The following COL19A1 variants were observed in gnomAD, a reference collection of about 807,000 sequenced individuals.
COL19A1 encodes the protein collagen alpha-1(XIX) chain.
COL19A1 carries 159 observed loss-of-function variants against 190.2 expected under a neutral mutation model. That is an observed-to-expected ratio of 0.84 (90% CI 0.73 to 0.95). COL19A1 has a LOEUF of 0.95. Among genes scored for constraint, COL19A1 ranks in the 40% least tolerant of loss-of-function variants. The pLI is 0.00. For synonymous variants in COL19A1, 509 were observed against 458.9 expected, an observed-to-expected ratio of 1.11 and a Z score of -1.39; for missense variants, 1,418 against 1,431.9, an observed-to-expected ratio of 0.99 and a Z score of 0.16.
chr6:70,058,235 C>T (rs3806002), intron 14 of COL19A1, among the ~76,000 whole-genome samples: 89,917 of 151,846 alleles, frequency 0.59, 27,391 homozygotes, highest in African/African-American at 0.69. Flanking sequence ...CCACATGGAA[C>T]GATCATATTT....
intron 4 of COL19A1, among the ~76,000 whole-genome samples, chr6:69,904,546 A>G (rs376000960): frequency 1.3e-5 from 2 of 152,320 alleles, no homozygotes; most frequent in East Asian, 1.9e-4. Context: ...CAGTGGGTGT[A>G]TAAGCACTAT....
At chr6:70,065,937 A>G (rs1197955895) in intron 14 of COL19A1, among the ~76,000 whole-genome samples, 1 of 152,230 alleles carries the variant, frequency 6.6e-6, no homozygotes, top group Non-Finnish European at 1.5e-5. Context: ...TAGAATGGCA[A>G]TCATTAAAAA....
intron 11 of COL19A1, among the ~76,000 whole-genome samples, chr6:69,981,408 G>A (rs902509916): frequency 7.2e-5 from 11 of 152,090 alleles, no homozygotes; most frequent in Admixed American, 2.0e-4. Context: ...GCAGAAAAAT[G>A]TATATAATAT....
At chr6:69,921,095 TATC>T (rs1419691235) in intron 4 of COL19A1, among the ~76,000 whole-genome samples, 35 of 119,140 alleles carry the variant, frequency 2.9e-4, no homozygotes, top group Non-Finnish European at 4.0e-4. Flanking sequence ...TTCATAGACA[TATC>T]ATATATTCAT....
chr6:69,882,302 A>G (rs974000782), intron 2 of COL19A1, among the ~76,000 whole-genome samples: 5 of 152,170 alleles, frequency 3.3e-5, no homozygotes, highest in East Asian at 3.9e-4. Flanking sequence ...TCTTTCGTCA[A>G]TTTGCCTATT....
chr6:69,996,722 A>G (rs1776924562), intron 11 of COL19A1, among the ~76,000 whole-genome samples: 1 of 152,112 alleles, frequency 6.6e-6, no homozygotes, highest in African/African-American at 2.4e-5. Context: ...TACATTACTG[A>G]AAAACTGTAA....
At chr6:69,988,100 T>A (rs1776407188) in intron 11 of COL19A1, among the ~76,000 whole-genome samples, 1 of 152,144 alleles carries the variant, frequency 6.6e-6, no homozygotes, top group South Asian at 2.1e-4. Flanking sequence ...TTTAAAGAAG[T>A]TTTAAACACC....
At chr6:69,907,463 C>A (rs566019967) in intron 4 of COL19A1, among the ~76,000 whole-genome samples, 2 of 152,256 alleles carry the variant, frequency 1.3e-5, no homozygotes, top group South Asian at 4.1e-4. Flanking sequence ...CTACAACATA[C>A]AAGAAAGTTG....
At chr6:70,192,194 G>A (rs1766916078) in intron 48 of COL19A1, among the ~76,000 whole-genome samples, 1 of 152,074 alleles carries the variant, frequency 6.6e-6, no homozygotes, top group Admixed American at 6.5e-5. Flanking sequence ...CAGAGTAGCT[G>A]GGATTACAGG....
intron 6 of COL19A1, among the ~76,000 whole-genome samples, chr6:69,931,049 T>C (rs1772729697): frequency 6.6e-6 from 1 of 152,188 alleles, no homozygotes; most frequent in African/African-American, 2.4e-5. Context: ...AGATTCTTGG[T>C]TCTACTGAAA....
intron 18 of COL19A1, among the ~76,000 whole-genome samples, chr6:70,131,701 TG>T (rs1356091709): frequency 2.0e-5 from 3 of 152,334 alleles, no homozygotes; most frequent in Non-Finnish European, 2.9e-5. Flanking sequence ...CCACAAAGCT[TG>T]TCACATAGGA....
chr6:70,132,390 C>A (rs1054611048), intron 18 of COL19A1, among the ~76,000 whole-genome samples: 2 of 152,306 alleles, frequency 1.3e-5, no homozygotes, highest in South Asian at 4.1e-4. Context: ...CAGAGCAAGA[C>A]CTTGTCTCAA....
At chr6:70,195,076 TTATG>T (rs1337934928) in intron 48 of COL19A1, among the ~76,000 whole-genome samples, 1 of 149,372 alleles carries the variant, frequency 6.7e-6, no homozygotes, top group African/African-American at 2.4e-5. Flanking sequence ...ATATTAATTT[TTATG>T]TATGTATATA....
chr6:69,907,582 T>C (rs1735426579), intron 4 of COL19A1, among the ~76,000 whole-genome samples: 1 of 152,246 alleles, frequency 6.6e-6, no homozygotes, highest in African/African-American at 2.4e-5. Flanking sequence ...TCAATCATTG[T>C]TTTCTCCATG....
intron 4 of COL19A1, among the ~76,000 whole-genome samples, chr6:69,902,696 G>A (rs1037738750): frequency 1.2e-4 from 18 of 152,152 alleles, no homozygotes; most frequent in African/African-American, 2.7e-4. Context: ...GCTTATGAGA[G>A]GCCACACAGA....
At chr6:70,187,995 G>GTATGAATCC (rs1182772334) in intron 46 of COL19A1, 80 bp from the exon 47 acceptor site, 6 of 1,529,854 alleles carry the variant, frequency 3.9e-6, no homozygotes, top group Non-Finnish European at 5.3e-6. Context: ...ATAAGTGCCA[G>GTATGAATCC]TATGAATCCA....
intron 11 of COL19A1, among the ~76,000 whole-genome samples, chr6:70,002,533 G>A: frequency 6.6e-6 from 1 of 151,670 alleles, no homozygotes; most frequent in Non-Finnish European, 1.5e-5. Flanking sequence ...CTCAGTTTCA[G>A]AACTTGTTAT....
At chr6:70,151,516 G>T in intron 31 of COL19A1, 78 bp downstream of exon 31, 1 of 1,393,788 alleles carries the variant, frequency 7.2e-7, no homozygotes, top group South Asian at 1.2e-5. Context: ...CAGAAATTGA[G>T]TCAATTGCTT....
At chr6:69,927,765 A>G (rs538235763) in intron 4 of COL19A1, 144 bp from the exon 5 acceptor site, 13 of 1,072,690 alleles carry the variant, frequency 1.2e-5, no homozygotes, top group Middle Eastern at 4.9e-4. Context: ...AGATTTTTTA[A>G]AAGGAAAGAG....
Sources: gnomAD v4.1 joint callset for allele counts (sites outside exome capture counted in the v4.1 genomes callset) on GRCh38, gnomAD v4.1.1 for gene constraint, MANE v1.5 for transcripts, NCBI Gene and HGNC (gene_info 2026-07-23, HGNC 2026-07-21) for gene names.